LRRTM4: variants seen among roughly 807,000 people sequenced by gnomAD.
LRRTM4 encodes the protein leucine-rich repeat transmembrane neuronal protein 4.
LRRTM4 carries 25 observed loss-of-function variants against 47.6 expected under a neutral mutation model. The ratio of observed to expected loss-of-function variants is 0.53; its 90% CI spans 0.38 to 0.73. The LOEUF (loss-of-function observed/expected upper bound fraction) is 0.73. Ranked by LOEUF, LRRTM4 falls within the 30% of genes least tolerant of loss-of-function variation. The pLI is 0.00. For synonymous variants in LRRTM4, 311 were observed against 269.5 expected (o/e 1.15, Z -1.51); for missense variants, 638 against 713.4 (o/e 0.89, Z 1.20).
At chr2:77,066,962 A>AC (rs1482450522) in intron 3 of LRRTM4, among the ~76,000 whole-genome samples, 2 of 152,162 alleles carry the variant, frequency 1.3e-5, no homozygotes, top group East Asian at 3.9e-4. Flanking sequence ...CTTTGCTTGG[A>AC]TTCCCCATGG....
chr2:76,841,291 G>A (rs1316993126), intron 3 of LRRTM4, among the ~76,000 whole-genome samples: 2 of 151,102 alleles, frequency 1.3e-5, no homozygotes, highest in Admixed American at 6.6e-5. Flanking sequence ...GGGGGGAGTG[G>A]GGAGGGATAG....
At position 76,913,543 on chromosome 2, in the gene LRRTM4, A is replaced by ATTTTTTTTTTT. The variant is rs58615415; in HGVS notation, c.1552-164638_1552-164628dup. Reference sequence around the variant, plus strand: ...CCAAATATTTAGAGATCCTATTTCAATTTTTTTTTTTTTTGAGACAGAGTC... The same window carrying ATTTTTTTTTTT: ...CCAAATATTTAGAGATCCTATTTCAATTTTTTTTTTTTTTTTTTTTTTTTTGAGACAGAGTC... On this transcript the variant is annotated intron_variant, in intron 3 of 3. Transcript: ENST00000409884. Among the ~76,000 whole-genome samples, 130 of 121,464 alleles carry ATTTTTTTTTTT rather than the reference A, an allele frequency of 1.1e-3. 19 individuals are homozygous for ATTTTTTTTTTT. The East Asian group carries it at 0.03, about 28-fold the overall frequency. 79.7% of individuals were successfully genotyped at this position (121,464 alleles called of 152,430 possible). A position where few individuals can be genotyped will look rare whatever the true frequency, so the allele number is the denominator to read the frequency against.
intron 3 of LRRTM4, among the ~76,000 whole-genome samples, chr2:76,870,782 A>G (rs142479798): frequency 6.6e-6 from 1 of 152,336 alleles, no homozygotes; most frequent in African/African-American, 2.4e-5. Flanking sequence ...GAAAGTACAT[A>G]CTTGTGGTGC....
intron 3 of LRRTM4, among the ~76,000 whole-genome samples, chr2:77,330,230 A>G (rs373251158): frequency 6.6e-6 from 1 of 152,156 alleles, no homozygotes; most frequent in African/African-American, 2.4e-5. Context: ...TCAGTGCAGA[A>G]TAGGCATTCA....
intron 3 of LRRTM4, among the ~76,000 whole-genome samples, chr2:77,303,717 TC>T (rs1366473710): frequency 6.6e-6 from 1 of 152,242 alleles, no homozygotes; most frequent in Non-Finnish European, 1.5e-5. Context: ...TATTTATCTT[TC>T]TATGCCTTGT....
At chr2:77,503,210 A>T (rs569875495) in intron 3 of LRRTM4, among the ~76,000 whole-genome samples, 1 of 151,840 alleles carries the variant, frequency 6.6e-6, no homozygotes, top group East Asian at 1.9e-4. Flanking sequence ...AGTTGAATTA[A>T]GGAGACTAAA....
intron 3 of LRRTM4, among the ~76,000 whole-genome samples, chr2:76,964,196 G>T (rs1260139297): frequency 6.6e-6 from 1 of 150,828 alleles, no homozygotes; most frequent in Non-Finnish European, 1.5e-5. Flanking sequence ...TTAGTTGGAG[G>T]TAGACGGGGG....
rs193173044 is a variant in LRRTM4, at chr2:77,060,900, T to C, written c.1552-311984A>G. Among the ~76,000 whole-genome samples the C allele has an allele frequency of 1.6e-3, 246 of 152,312 alleles. 2 individuals are homozygous for C. Among genetic ancestry groups the C allele is most frequent in the East Asian group, 9.1e-3 (47 of 5,184 alleles). ...ATGTTTATGACTCAACCACAATTTATATAAATTTATTCTATGCATCTGACT... is the reference window on the plus strand; with the variant it reads ...ATGTTTATGACTCAACCACAATTTACATAAATTTATTCTATGCATCTGACT... On this transcript the variant is annotated intron_variant, in intron 3 of 3. Transcript: ENST00000409884.
At chr2:77,056,218 T>C (rs909856970) in intron 3 of LRRTM4, among the ~76,000 whole-genome samples, 63 of 149,432 alleles carry the variant, frequency 4.2e-4, no homozygotes, top group African/African-American at 1.5e-3. Flanking sequence ...AGAATAATTA[T>C]GTGATATATG....
chr2:77,291,821 C>G (rs954091030), intron 3 of LRRTM4, among the ~76,000 whole-genome samples: 37 of 151,926 alleles, frequency 2.4e-4, no homozygotes, highest in African/African-American at 8.2e-4. Context: ...AAAGCAATGG[C>G]AACAAAAGCC....
At chr2:77,117,834 G>A (rs768284994) in intron 3 of LRRTM4, among the ~76,000 whole-genome samples, 14 of 151,782 alleles carry the variant, frequency 9.2e-5, no homozygotes, top group Non-Finnish European at 1.3e-4. Flanking sequence ...TCTAGGTGCT[G>A]GAGCTTATTT....
intron 3 of LRRTM4, among the ~76,000 whole-genome samples, chr2:77,463,691 A>G (rs889705285): frequency 6.6e-6 from 1 of 152,068 alleles, no homozygotes; most frequent in Non-Finnish European, 1.5e-5. Context: ...CATTCCTCCT[A>G]GTTCAACCCC....
chr2:77,038,501 G>A (rs960244822), intron 3 of LRRTM4, among the ~76,000 whole-genome samples: 1 of 151,366 alleles, frequency 6.6e-6, no homozygotes, highest in Non-Finnish European at 1.5e-5. Flanking sequence ...TAATATTTTA[G>A]CATTGTGTAT....
chr2:77,162,961 T>A (rs1224839527), intron 3 of LRRTM4, among the ~76,000 whole-genome samples: 1 of 152,148 alleles, frequency 6.6e-6, no homozygotes, highest in Non-Finnish European at 1.5e-5. Context: ...AGAACAAAGC[T>A]GGAAGGAGAA....
At chr2:76,836,588 T>C (rs770558552) in intron 3 of LRRTM4, among the ~76,000 whole-genome samples, 4 of 152,008 alleles carry the variant, frequency 2.6e-5, no homozygotes, top group Non-Finnish European at 4.4e-5. Flanking sequence ...TGAACAGTTA[T>C]ACAACAAAGA....
chr2:76,763,484 C>T (rs576401276), intron 3 of LRRTM4, among the ~76,000 whole-genome samples: 2 of 152,220 alleles, frequency 1.3e-5, no homozygotes, highest in Non-Finnish European at 2.9e-5. Flanking sequence ...GAGAAGAGTT[C>T]TCAGAGTGAA....
chr2:77,234,757 A>T (rs1675058476), intron 3 of LRRTM4, among the ~76,000 whole-genome samples: 1 of 152,052 alleles, frequency 6.6e-6, no homozygotes, highest in South Asian at 2.1e-4. Flanking sequence ...TAGTTTTCTA[A>T]CTTCTAAAAA....
intron 3 of LRRTM4, among the ~76,000 whole-genome samples, chr2:76,781,641 T>A (rs1674399627): frequency 6.6e-6 from 1 of 152,216 alleles, no homozygotes; most frequent in African/African-American, 2.4e-5. Flanking sequence ...CCCACTGACC[T>A]GCGCCCACTG....
At chr2:77,117,535 C>T (rs1671419550) in intron 3 of LRRTM4, among the ~76,000 whole-genome samples, 2 of 151,824 alleles carry the variant, frequency 1.3e-5, no homozygotes, top group Admixed American at 1.3e-4. Context: ...TCCCCAAAAC[C>T]TATCTGCTCC....
Sources: gnomAD v4.1 joint callset for allele counts (sites outside exome capture counted in the v4.1 genomes callset) on GRCh38, gnomAD v4.1.1 for gene constraint, MANE v1.5 for transcripts, NCBI Gene and HGNC (gene_info 2026-07-23, HGNC 2026-07-21) for gene names.